The following UPB1 variants were observed in gnomAD, a reference collection of about 807,000 sequenced individuals.
UPB1 encodes the protein beta-ureidopropionase.
Under a neutral mutation model 49.1 loss-of-function variants are expected in UPB1, and 40 were observed. The ratio of observed to expected loss-of-function variants is 0.81; its 90% CI spans 0.63 to 1.06. UPB1 has a LOEUF of 1.06. Ranked by LOEUF, UPB1 falls within the 50% of genes least tolerant of loss-of-function variation. UPB1 has a pLI of 0.00. For missense variants in UPB1, 499 were observed against 505.9 expected (o/e 0.99, Z 0.13); for synonymous variants, 207 against 198.2 (o/e 1.04, Z -0.38).
At chr22:24,517,339 T>A (rs2044314682) in intron 6 of UPB1, among the ~76,000 whole-genome samples, 1 of 152,162 alleles carries the variant, frequency 6.6e-6, no homozygotes, top group Non-Finnish European at 1.5e-5. Context: ...CATTGGTGGT[T>A]GTCAGTAGGG....
At chr22:24,501,236 C>T (rs2043989673) in intron 2 of UPB1, among the ~76,000 whole-genome samples, 2 of 152,126 alleles carry the variant, frequency 1.3e-5, no homozygotes, top group East Asian at 3.8e-4. Context: ...TCCACAAAGC[C>T]ATGGGGTGCA....
In UPB1 at chr22:24,496,372, A is replaced by AACACACAC. The variant is rs60159909; in HGVS notation, c.104+889_104+896dup. Among the ~76,000 whole-genome samples the AACACACAC allele has an allele frequency of 4.1e-3, 578 of 141,598 alleles. 5 individuals carry two copies. Among genetic ancestry groups the AACACACAC allele is most frequent in the African/African-American group, 0.012 (434 of 37,138 alleles). The allele number at this position is 141,598 out of a possible 152,430, so 92.9% of individuals were successfully genotyped here. ...GGAGTCAGAGTGAGGCCCTGTCTCA[A>AACACACAC]ACACACACACACACACACACACACA... On this transcript the variant is annotated intron_variant, in intron 1 of 9. Transcript: ENST00000326010.
At chr22:24,524,735 G>A (rs564934504) in intron 9 of UPB1, among the ~76,000 whole-genome samples, 6 of 152,238 alleles carry the variant, frequency 3.9e-5, no homozygotes, top group South Asian at 2.1e-4. Context: ...AGCAATCCTC[G>A]CACCTCGGGC....
chr22:24,504,230 G>GT (rs1466858010), intron 3 of UPB1, among the ~76,000 whole-genome samples: 1 of 152,216 alleles, frequency 6.6e-6, no homozygotes, highest in African/African-American at 2.4e-5. Context: ...AGAACAAGTA[G>GT]TTCCCTGAGG....
Position 24,523,639 on chromosome 22 carries a change from T to C in UPB1, c.937T>C (p.Phe313Leu), listed in dbSNP as rs1324693807. The part of the protein sequence containing the change: ...GKKAHQDFGY[F>L]YGSSYVAAPD... ...TAAAGCTCACCAGGACTTTGGCTAC[T>C]TTTATGGCTCGAGCTATGTGGCAGC... Residue 313 changes from phenylalanine to leucine, a missense_variant, in exon 9 of 10, where the codon TTT becomes CTT. By Grantham distance (22) the Phe-to-Leu change is conservative. Transcript: ENST00000326010. The C allele has an allele frequency of 4.3e-6, 7 of 1,614,152 alleles. No individual in the cohort carries two copies. Among genetic ancestry groups the C allele is most frequent in the Non-Finnish European group, 5.9e-6 (7 of 1,180,052 alleles).
intron 1 of UPB1, among the ~76,000 whole-genome samples, chr22:24,496,060 A>G (rs776434658): frequency 1.3e-5 from 2 of 152,120 alleles, no homozygotes; most frequent in Non-Finnish European, 2.9e-5. Context: ...ATACTGCTGG[A>G]CACTGTGTCC....
chr22:24,510,903 G>A, intron 4 of UPB1, 60 bp downstream of exon 4: 1 of 1,558,834 alleles, frequency 6.4e-7, no homozygotes, highest in South Asian at 1.1e-5. Flanking sequence ...CACAGAGCAT[G>A]ACCACAGCTG....
In UPB1 at chr22:24,527,065, A is replaced by G. The variant is rs1371076080; in HGVS notation, c.*1271A>G. On this transcript the variant is annotated 3_prime_UTR_variant, in exon 10 of 10. Coordinates refer to ENST00000326010, the MANE Select transcript of UPB1 (RefSeq NM_016327.3). ...TTGGTTTTTACATCTGTAAAATGGG[A>G]CTGGGCCAGGTGTGGTGGGGTGGCT... 1 of 152,172 alleles carries G rather than the reference A, an allele frequency of 6.6e-6. No homozygotes were observed. The highest frequency in any genetic ancestry group is 2.4e-5 in the African/African-American group (1 of 41,442). 9.4% of individuals were successfully genotyped at this position (152,172 alleles called of 1,614,324 possible).
rs756250400 is a variant in UPB1 at position 24,520,373 on chromosome 22, G to T, written c.792-14G>T. 1.2e-6 allele frequency: 2 copies of T among 1,613,934 alleles called. No homozygotes were observed. The highest frequency in any genetic ancestry group is 1.7e-6 in the Non-Finnish European group (2 of 1,179,928). ...AAAGTCGGCAACCTGGTTCCTCTTGGTCCTCTCTTACAGCGAGTCCCTGTG... is the reference window on the plus strand; with the variant it reads ...AAAGTCGGCAACCTGGTTCCTCTTGTTCCTCTCTTACAGCGAGTCCCTGTG... On this transcript the variant is annotated splice_polypyrimidine_tract_variant and intron_variant, in intron 6 of 9. Coordinates refer to ENST00000326010, the MANE Select transcript of UPB1 (RefSeq NM_016327.3).
At chr22:24,500,338 ACACCTG>A in intron 2 of UPB1, 60 bp downstream of exon 2, 1 of 1,607,356 alleles carries the variant, frequency 6.2e-7, no homozygotes, top group Non-Finnish European at 8.5e-7. Flanking sequence ...CCCTTGGAGC[ACACCTG>A]CAGGCCCTGG....
intron 3 of UPB1, among the ~76,000 whole-genome samples, chr22:24,509,370 A>G (rs1393579127): frequency 9.3e-4 from 27 of 28,884 alleles, no homozygotes; most frequent in African/African-American, 2.7e-3. Flanking sequence ...TGAAAAAAAA[A>G]AAAAAAAAAA....
rs1302120999 is a variant in UPB1, at chr22:24,510,863, T to C, written c.459+20T>C. 3.1e-6 allele frequency: 5 copies of C among 1,613,044 alleles called. No individual in the cohort carries two copies. Among genetic ancestry groups the C allele is most frequent in the Non-Finnish European group, 4.2e-6 (5 of 1,179,112 alleles). On this transcript the variant is annotated intron_variant, in intron 4 of 9. Transcript: ENST00000326010. ...CAGAAGGTAGGACATTAACGGTGCC[T>C]CTGGCAGCAGCTGCCAAATATGTGC... is the stretch of plus-strand genomic sequence containing the variant.
intron 4 of UPB1, among the ~76,000 whole-genome samples, chr22:24,511,616 A>T (rs13056366): frequency 0.43 from 53,169 of 123,212 alleles, 12,385 homozygotes; most frequent in Non-Finnish European, 0.5. Flanking sequence ...ATATATATAT[A>T]TATTTTTTTT....
In UPB1 at chr22:24,513,355, C is replaced by T. The variant is rs2044239715; in HGVS notation, c.491C>T (p.Ser164Phe). 5 of 1,614,188 alleles carry T rather than the reference C, an allele frequency of 3.1e-6. No individual in the cohort carries two copies. In the East Asian group the frequency reaches 1.1e-4, roughly 36 times the overall value. The change falls in exon 5 of 10, where the codon TCT (serine) becomes TTT (phenylalanine). Residue 164 changes from serine (S) to phenylalanine (F), a missense_variant. Coordinates refer to ENST00000326010, the MANE Select transcript of UPB1 (RefSeq NM_016327.3). ...LAKNHDMVVVSPILERDSEHG... is the reference protein window; with the variant it reads ...LAKNHDMVVVFPILERDSEHG... Reference sequence around the variant, plus strand: ...AAGAACCATGACATGGTGGTGGTGTCTCCCATCCTGGAACGAGACAGCGAG... The same window carrying T: ...AAGAACCATGACATGGTGGTGGTGTTTCCCATCCTGGAACGAGACAGCGAG...
In UPB1 at chr22:24,525,963, G is replaced by A; in HGVS notation, c.*169G>A. 1.3e-6 allele frequency: 1 copy of A among 759,562 alleles called. No homozygotes were observed. Among genetic ancestry groups the A allele is most frequent in the Non-Finnish European group, 2.3e-6 (1 of 442,750 alleles). 47.1% of individuals were successfully genotyped at this position (759,562 alleles called of 1,614,324 possible). On this transcript the variant is annotated 3_prime_UTR_variant, in exon 10 of 10. Transcript: ENST00000326010. ...TGGGGAGTGACTTCTTAATGGGTAA[G>A]GGGCTGCTTACTTCTGGGGTATTGG...
intron 3 of UPB1, chr22:24,502,631 T>A: frequency 2.9e-6 from 2 of 679,396 alleles, no homozygotes; most frequent in Non-Finnish European, 5.3e-6. Flanking sequence ...TTTATCAGAG[T>A]TTTACATGCT....
chr22:24,502,348 C>T (rs772650654), intron 3 of UPB1, 135 bp downstream of exon 3: 21 of 963,922 alleles, frequency 2.2e-5, no homozygotes, highest in South Asian at 2.2e-4. Flanking sequence ...TCTCCGTCCA[C>T]ATCACCAGGA....
intron 3 of UPB1, among the ~76,000 whole-genome samples, chr22:24,510,233 C>CAAA (rs202134271): frequency 9.5e-6 from 1 of 104,722 alleles, no homozygotes; most frequent in Non-Finnish European, 2.0e-5. Context: ...AACTCCATCT[C>CAAA]AAAAAAAAAA....
chr22:24,522,075 C>T (rs770827457), intron 8 of UPB1, 47 bp downstream of exon 8: 4 of 1,598,710 alleles, frequency 2.5e-6, no homozygotes, highest in East Asian at 4.5e-5. Flanking sequence ...GTGGGCCTTC[C>T]TCTCCCCTTC....
Sources: gnomAD v4.1 joint callset for allele counts (sites outside exome capture counted in the v4.1 genomes callset) on GRCh38, gnomAD v4.1.1 for gene constraint, MANE v1.5 for transcripts, NCBI Gene and HGNC (gene_info 2026-07-23, HGNC 2026-07-21) for gene names.